Variants in GRM5 observed in about 807,000 individuals in gnomAD.
GRM5 encodes the protein glutamate metabotropic receptor 5.
Under a neutral mutation model 83.1 loss-of-function variants are expected in GRM5, and 19 were observed. The ratio of observed to expected loss-of-function variants is 0.23; its 90% confidence interval spans 0.16 to 0.34. The LOEUF is 0.34. Ranked by LOEUF, GRM5 falls within the 10% of genes least tolerant of loss-of-function variation. The pLI is 1.00. For synonymous variants in GRM5, 675 were observed against 633.6 expected, an observed-to-expected ratio of 1.07 and a Z score of -0.98; for missense variants, 1,160 against 1,588.3, an observed-to-expected ratio of 0.73 and a Z score of 4.58.
At chr11:88,546,200 G>T (rs1189011786) in intron 8 of GRM5, among the ~76,000 whole-genome samples, 1 of 151,674 alleles carries the variant, frequency 6.6e-6, no homozygotes, top group African/African-American at 2.4e-5. Flanking sequence ...TCTAAAATTA[G>T]TCCCAAATCA....
intron 2 of GRM5, among the ~76,000 whole-genome samples, chr11:89,039,090 C>A (rs140235138): frequency 6.6e-6 from 1 of 151,776 alleles, no homozygotes; most frequent in African/African-American, 2.4e-5. Context: ...ATGGTGAAAC[C>A]CCCTCTCTAC....
chr11:88,605,529 A>G (rs1021654819), intron 4 of GRM5, among the ~76,000 whole-genome samples: 3 of 152,186 alleles, frequency 2.0e-5, no homozygotes, highest in Non-Finnish European at 4.4e-5. Context: ...TAATTCATTA[A>G]TTAATTCAGT....
Position 88,661,664 on chromosome 11 carries a change from G to A in GRM5, c.912-8261C>T, listed in dbSNP as rs572198633. On this transcript the variant is annotated intron_variant, in intron 3 of 9. Transcript: ENST00000305447. The stretch of plus-strand genomic sequence containing the variant: ...GCTCCGTGCACCCCAGGAGGAGTAG[G>A]AAGTCTCAAATCTCTACACACTAGT... Among the ~76,000 whole-genome samples, 4 of 152,192 alleles carry A rather than the reference G, an allele frequency of 2.6e-5. No homozygotes were observed. In the East Asian group the frequency reaches 7.7e-4, roughly 29 times the overall value.
At chr11:88,836,945 C>T (rs1192814654) in intron 3 of GRM5, among the ~76,000 whole-genome samples, 5 of 152,206 alleles carry the variant, frequency 3.3e-5, no homozygotes, top group Non-Finnish European at 7.4e-5. Context: ...TGTTTACACA[C>T]ATTTATAAAG....
chr11:88,921,723 C>T (rs924031967), intron 2 of GRM5, among the ~76,000 whole-genome samples: 6 of 152,048 alleles, frequency 3.9e-5, no homozygotes, highest in Non-Finnish European at 8.8e-5. Flanking sequence ...ACTGTCCCTA[C>T]TGTTATTCAG....
At chr11:88,524,214 C>CTTTTTTTTTTTTTTTTTTTT (rs71470770) in intron 9 of GRM5, among the ~76,000 whole-genome samples, 4 of 101,406 alleles carry the variant, frequency 3.9e-5, no homozygotes, top group Admixed American at 1.0e-4. Flanking sequence ...TTCTTTCTTT[C>CTTTTTTTTTTTTTTTTTTTT]TTTTTTTTTT....
chr11:88,573,071 T>C (rs889309072), intron 7 of GRM5, among the ~76,000 whole-genome samples: 1 of 152,150 alleles, frequency 6.6e-6, no homozygotes, highest in African/African-American at 2.4e-5. Flanking sequence ...TCTATTTAGG[T>C]ATCTATTCAC....
intron 2 of GRM5, among the ~76,000 whole-genome samples, chr11:89,021,073 C>T (rs892459978): frequency 3.3e-5 from 5 of 152,072 alleles, no homozygotes; most frequent in African/African-American, 1.2e-4. Context: ...GTTATCTTTA[C>T]ACAACTTCAT....
intron 4 of GRM5, among the ~76,000 whole-genome samples, chr11:88,639,479 G>C (rs1939230102): frequency 6.6e-6 from 1 of 152,000 alleles, no homozygotes; most frequent in Non-Finnish European, 1.5e-5. Flanking sequence ...TTTTGCTGCT[G>C]TTGTTATTTC....
chr11:88,782,916 T>C (rs1456648661), intron 3 of GRM5, among the ~76,000 whole-genome samples: 1 of 152,110 alleles, frequency 6.6e-6, no homozygotes, highest in Non-Finnish European at 1.5e-5. Context: ...TTTACTTTTA[T>C]CCCGGCAACA....
chr11:88,810,471 A>G (rs1043158478), intron 3 of GRM5, among the ~76,000 whole-genome samples: 6 of 152,114 alleles, frequency 3.9e-5, no homozygotes, highest in Non-Finnish European at 7.4e-5. Flanking sequence ...GTAAATGCTC[A>G]TATATAAGAT....
At chr11:88,669,501 G>T (rs1246090484) in intron 3 of GRM5, among the ~76,000 whole-genome samples, 1 of 151,948 alleles carries the variant, frequency 6.6e-6, no homozygotes, top group Non-Finnish European at 1.5e-5. Context: ...AAATAAAAAG[G>T]AGTAAACTGT....
In GRM5 at chr11:88,812,250, A is replaced by G. The variant is rs913009626; in HGVS notation, c.911+37656T>C. Among the ~76,000 whole-genome samples, 19 of 151,844 alleles carry G rather than the reference A, an allele frequency of 1.3e-4. 1 individual carries two copies. Among genetic ancestry groups the G allele is most frequent in the Admixed American group, 1.2e-3 (19 of 15,214 alleles). On this transcript the variant is annotated intron_variant, in intron 3 of 9. Transcript: ENST00000305447. Reference sequence around the variant, plus strand: ...TGAAGTTAGCTCATCAGGAAAAGTCATTTTAGTGATGAGGCTCTGAAGAGG... The same window carrying G: ...TGAAGTTAGCTCATCAGGAAAAGTCGTTTTAGTGATGAGGCTCTGAAGAGG...
At chr11:88,874,988 T>C (rs371440731) in intron 2 of GRM5, among the ~76,000 whole-genome samples, 2 of 152,054 alleles carry the variant, frequency 1.3e-5, no homozygotes, top group African/African-American at 4.8e-5. Context: ...TTGATACTGA[T>C]GGCTACTGAT....
chr11:88,758,034 C>T (rs1942434500), intron 3 of GRM5, among the ~76,000 whole-genome samples: 1 of 152,106 alleles, frequency 6.6e-6, no homozygotes, highest in South Asian at 2.1e-4. Flanking sequence ...ATCAACTGAA[C>T]CCACCTTATA....
chr11:88,725,272 G>T (rs1419341120), intron 3 of GRM5, among the ~76,000 whole-genome samples: 1 of 152,160 alleles, frequency 6.6e-6, no homozygotes, highest in Non-Finnish European at 1.5e-5. Context: ...CCACCAGGAA[G>T]TTTGAACTGG....
intron 3 of GRM5, among the ~76,000 whole-genome samples, chr11:88,823,215 C>T (rs1377814229): frequency 6.6e-6 from 1 of 150,482 alleles, no homozygotes; most frequent in South Asian, 2.1e-4. Context: ...ATTTTAAGAC[C>T]TTATTATATT....
At chr11:88,796,123 A>G (rs1040929022) in intron 3 of GRM5, among the ~76,000 whole-genome samples, 1 of 152,188 alleles carries the variant, frequency 6.6e-6, no homozygotes, top group Non-Finnish European at 1.5e-5. Flanking sequence ...TTGCATTTCC[A>G]ACGTAATTTA....
chr11:88,917,010 T>A (rs965809324), intron 2 of GRM5, among the ~76,000 whole-genome samples: 1 of 152,030 alleles, frequency 6.6e-6, no homozygotes, highest in Non-Finnish European at 1.5e-5. Context: ...AGCCAGACAC[T>A]AGTCACCATA....
Sources: allele counts gnomAD v4.1 joint callset (sites outside exome capture counted in the v4.1 genomes callset), GRCh38; gene constraint gnomAD v4.1.1; transcripts MANE v1.5; gene names NCBI Gene and HGNC (gene_info 2026-07-23, HGNC 2026-07-21).